Variants in PTPRD observed in about 807,000 individuals in gnomAD.
The protein encoded by PTPRD is receptor-type tyrosine-protein phosphatase delta.
Under a neutral mutation model 214.5 loss-of-function variants are expected in PTPRD, and 34 were observed. The ratio of observed to expected loss-of-function variants is 0.16; its 90% confidence interval spans 0.12 to 0.21. The LOEUF (loss-of-function observed/expected upper bound fraction) is 0.21, where lower values mean the gene tolerates loss of function less well. Among genes scored for constraint, PTPRD ranks in the 10% least tolerant of loss-of-function variants. The probability of loss-of-function intolerance (pLI) is 1.00; values close to 1 mark genes in which losing one functional copy is unlikely to be tolerated. For missense variants in PTPRD, 2,545 were observed against 2,398.7 expected, an observed-to-expected ratio of 1.06 and a Z score of -1.27; for synonymous variants, 1,128 against 845.7, an observed-to-expected ratio of 1.33 and a Z score of -5.79.
intron 37 of PTPRD, among the ~76,000 whole-genome samples, chr9:8,380,603 C>T (rs2084737371): frequency 6.6e-6 from 1 of 152,144 alleles, no homozygotes; most frequent in African/African-American, 2.4e-5. Flanking sequence ...TAAATTTATG[C>T]AATGGAATTA....
chr9:8,555,263 C>A (rs995494786), intron 14 of PTPRD, among the ~76,000 whole-genome samples: 1 of 151,998 alleles, frequency 6.6e-6, no homozygotes, highest in Non-Finnish European at 1.5e-5. Flanking sequence ...AAAAATTAGC[C>A]AAGCATGACA....
Position 10,520,395 on chromosome 9 carries a change from T to C in PTPRD, c.-600+92003A>G, listed in dbSNP as rs1033731264. Among the ~76,000 whole-genome samples the C allele has an allele frequency of 2.0e-5, 3 of 151,998 alleles. No individual in the cohort carries two copies. The East Asian group carries it at 5.8e-4, about 29-fold the overall frequency. ...AAGGTGATGAAGCTGAAGAAGAAAATCTTGAAACTAGCAGAGGTTGGTTCA... is the reference window on the plus strand; with the variant it reads ...AAGGTGATGAAGCTGAAGAAGAAAACCTTGAAACTAGCAGAGGTTGGTTCA... On this transcript the variant is annotated intron_variant, in intron 2 of 45. Transcript: ENST00000381196.
rs182997121 is a variant in PTPRD, at chr9:8,571,096, A to G, written c.353-42317T>C. Among the ~76,000 whole-genome samples, 379 of 152,138 alleles carry G rather than the reference A, an allele frequency of 2.5e-3. 7 individuals carry two copies. Among genetic ancestry groups the G allele is most frequent in the Non-Finnish European group, 2.2e-3 (152 of 67,988 alleles). Reference sequence around the variant, plus strand: ...ACTCCTGCTCACGAGCTTCCACGGCATATTCCATTTATCAATTTTTACCTT... The same window carrying G: ...ACTCCTGCTCACGAGCTTCCACGGCGTATTCCATTTATCAATTTTTACCTT... On this transcript the variant is annotated intron_variant, in intron 14 of 45. Transcript: ENST00000381196.
intron 9 of PTPRD, among the ~76,000 whole-genome samples, chr9:9,193,230 A>G (rs1305366621): frequency 6.6e-6 from 1 of 152,146 alleles, no homozygotes; most frequent in Non-Finnish European, 1.5e-5. Flanking sequence ...ACTGATATGG[A>G]GTAATGAATT....
chr9:9,496,582 C>G (rs2096201268), intron 8 of PTPRD, among the ~76,000 whole-genome samples: 1 of 151,930 alleles, frequency 6.6e-6, no homozygotes, highest in East Asian at 1.9e-4. Flanking sequence ...CAAAAACAAA[C>G]AAACAAAAAA....
intron 4 of PTPRD, among the ~76,000 whole-genome samples, chr9:10,020,017 A>T (rs1471734467): frequency 6.6e-6 from 1 of 152,188 alleles, no homozygotes; most frequent in East Asian, 1.9e-4. Context: ...AATGTTTGGC[A>T]CAATAATTTT....
chr9:9,019,840 C>G (rs992585014), intron 10 of PTPRD, among the ~76,000 whole-genome samples: 3 of 152,138 alleles, frequency 2.0e-5, no homozygotes, highest in Non-Finnish European at 2.9e-5. Context: ...AACTGGGCAC[C>G]GATGTTGGCA....
At chr9:10,562,345 C>G (rs112768571) in intron 2 of PTPRD, among the ~76,000 whole-genome samples, 1 of 140,632 alleles carries the variant, frequency 7.1e-6, no homozygotes, top group Non-Finnish European at 1.5e-5. Context: ...TTTTTTTTTG[C>G]TGCCTGTATG....
At chr9:10,327,830 C>G (rs920664279) in intron 3 of PTPRD, among the ~76,000 whole-genome samples, 1 of 151,686 alleles carries the variant, frequency 6.6e-6, no homozygotes, top group African/African-American at 2.4e-5. Context: ...GAGAAGGTCT[C>G]CTGTCAGGGC....
chr9:9,428,008 G>T (rs770605304), intron 8 of PTPRD, among the ~76,000 whole-genome samples: 2 of 152,038 alleles, frequency 1.3e-5, no homozygotes, highest in Non-Finnish European at 2.9e-5. Context: ...AATCAACTAA[G>T]GAGCAAAATA....
rs75179833 is a variant in PTPRD, at chr9:8,645,382, C to T, written c.65-8538G>A. Among the ~76,000 whole-genome samples the T allele has an allele frequency of 1.2e-3, 185 of 152,224 alleles. 2 individuals are homozygous for T. Among genetic ancestry groups the T allele is most frequent in the African/African-American group, 4.3e-3 (179 of 41,550 alleles). On this transcript the variant is annotated intron_variant, in intron 12 of 45. Coordinates refer to ENST00000381196, the MANE Select transcript of PTPRD (RefSeq NM_002839.4). ...TTGGTATTATTTTACTTATACATTCCATTTGCTCATGATTTAAAAAGACAA... is the reference window on the plus strand; with the variant it reads ...TTGGTATTATTTTACTTATACATTCTATTTGCTCATGATTTAAAAAGACAA...
intron 3 of PTPRD, among the ~76,000 whole-genome samples, chr9:10,180,625 C>T (rs947672822): frequency 4.9e-5 from 7 of 144,214 alleles, no homozygotes; most frequent in Non-Finnish European, 7.6e-5. Flanking sequence ...AAAAAAAACT[C>T]ATGGGCTAAT....
intron 2 of PTPRD, among the ~76,000 whole-genome samples, chr9:10,492,175 G>T (rs1324224286): frequency 6.6e-6 from 1 of 152,112 alleles, no homozygotes; most frequent in Non-Finnish European, 1.5e-5. Flanking sequence ...ATAAATATAT[G>T]TGTGTATGTG....
At chr9:10,481,153 T>C (rs1169318490) in intron 2 of PTPRD, among the ~76,000 whole-genome samples, 2 of 152,120 alleles carry the variant, frequency 1.3e-5, no homozygotes, top group African/African-American at 2.4e-5. Flanking sequence ...GTGGTGCCTG[T>C]AATTTGCTCC....
intron 9 of PTPRD, among the ~76,000 whole-genome samples, chr9:9,307,686 C>T (rs1957560030): frequency 6.6e-6 from 1 of 152,156 alleles, no homozygotes; most frequent in Non-Finnish European, 1.5e-5. Context: ...AATTACAAAT[C>T]CGGTCAAGTT....
At chr9:8,867,352 T>G (rs951395346) in intron 11 of PTPRD, among the ~76,000 whole-genome samples, 1 of 152,088 alleles carries the variant, frequency 6.6e-6, no homozygotes, top group African/African-American at 2.4e-5. Context: ...TGCTCTGCCC[T>G]CCCCCTTGGC....
chr9:10,183,490 T>C (rs907000403), intron 3 of PTPRD, among the ~76,000 whole-genome samples: 4 of 152,180 alleles, frequency 2.6e-5, no homozygotes, highest in Admixed American at 6.5e-5. Flanking sequence ...GTAACTATTG[T>C]TTAAGATCAA....
chr9:8,347,635 C>T (rs979332530), intron 39 of PTPRD, among the ~76,000 whole-genome samples: 1 of 152,124 alleles, frequency 6.6e-6, no homozygotes, highest in Admixed American at 6.6e-5. Flanking sequence ...TGTTGAAACG[C>T]TAACCCCCAG....
intron 14 of PTPRD, among the ~76,000 whole-genome samples, chr9:8,529,291 C>T (rs1223564940): frequency 2.0e-5 from 3 of 152,048 alleles, no homozygotes; most frequent in East Asian, 3.9e-4. Context: ...AGCTAGGTCA[C>T]GCTATCTGTT....
Sources: allele counts gnomAD v4.1 joint callset (sites outside exome capture counted in the v4.1 genomes callset), GRCh38; gene constraint gnomAD v4.1.1; transcripts MANE v1.5; gene names NCBI Gene and HGNC (gene_info 2026-07-23, HGNC 2026-07-21).